The following FRMD5 variants were observed in gnomAD, a reference collection of about 807,000 sequenced individuals.
FRMD5 encodes the protein FERM domain containing 5, also known as FERM domain-containing protein 5.
Under a neutral mutation model 69.0 loss-of-function variants are expected in FRMD5, and 20 were observed. The ratio of observed to expected loss-of-function variants is 0.29; its 90% CI spans 0.20 to 0.42. FRMD5 has a LOEUF of 0.42. Among genes scored for constraint, FRMD5 ranks in the 10% least tolerant of loss-of-function variants. FRMD5 has a pLI of 1.00. For missense variants in FRMD5, 595 were observed against 708.6 expected (o/e 0.84, Z 1.82); for synonymous variants, 271 against 260.1 (o/e 1.04, Z -0.40).
chr15:44,026,972 CA>C (rs1381287298), intron 1 of FRMD5, among the ~76,000 whole-genome samples: 1 of 152,098 alleles, frequency 6.6e-6, no homozygotes, highest in Non-Finnish European at 1.5e-5. Flanking sequence ...TACATGTTTA[CA>C]AATTCCTAAA....
intron 1 of FRMD5, among the ~76,000 whole-genome samples, chr15:44,072,294 C>T (rs917185099): frequency 4.6e-5 from 7 of 152,228 alleles, no homozygotes; most frequent in Admixed American, 6.5e-5. Context: ...CTAAGTATGA[C>T]GTACAACAGT....
In FRMD5 at chr15:43,997,895, GAGA is replaced by G. The variant is rs767266369; in HGVS notation, c.103-73589_103-73587del. 5.6e-3 allele frequency among the ~76,000 whole-genome samples: 848 copies of G among 152,188 alleles called. 4 individuals are homozygous for G. The highest frequency in any genetic ancestry group is 9.0e-3 in the Non-Finnish European group (612 of 68,004). ...TATGTTCTTCAATGTTCATGACATT[GAGA>G]TCTCCGGTCTACTTCCAGTAGGCCT... On this transcript the variant is annotated intron_variant, in intron 1 of 13. Coordinates refer to ENST00000417257, the MANE Select transcript of FRMD5 (RefSeq NM_032892.5).
In FRMD5 at chr15:44,052,444, C is replaced by T. The variant is rs139747855; in HGVS notation, c.103-128135G>A. 2.3e-3 allele frequency among the ~76,000 whole-genome samples: 349 copies of T among 152,238 alleles called. 7 individuals carry two copies. The East Asian group carries it at 0.059, about 26-fold the overall frequency. On this transcript the variant is annotated intron_variant, in intron 1 of 13. Transcript: ENST00000417257. ...CCATTTCTCTAAGGATCCTTCATTC[C>T]TTTACCTGAGAATGGTATTCGAATC...
intron 1 of FRMD5, among the ~76,000 whole-genome samples, chr15:44,128,988 T>A (rs1417275890): frequency 6.6e-6 from 1 of 152,052 alleles, no homozygotes. Flanking sequence ...TTAGTGGAGG[T>A]CTGAAGCTCT....
In FRMD5 at chr15:43,876,413, G is replaced by C. The variant is rs550644883; in HGVS notation, c.1136-1951C>G. Reference sequence around the variant, plus strand: ...AGGCAGGAATGGGCCAGACACGATGGCTCCCATCTGTAATCCCAGCACTTT... The same window carrying C: ...AGGCAGGAATGGGCCAGACACGATGCCTCCCATCTGTAATCCCAGCACTTT... On this transcript the variant is annotated intron_variant, in intron 13 of 13. Coordinates refer to ENST00000417257, the MANE Select transcript of FRMD5 (RefSeq NM_032892.5). 3.3e-5 allele frequency among the ~76,000 whole-genome samples: 5 copies of C among 152,294 alleles called. No homozygotes were observed. In the East Asian group the frequency reaches 9.6e-4, roughly 29 times the overall value.
intron 1 of FRMD5, among the ~76,000 whole-genome samples, chr15:44,182,853 T>C (rs1006262827): frequency 1.3e-5 from 2 of 152,104 alleles, no homozygotes; most frequent in Non-Finnish European, 2.9e-5. Context: ...TAGAGTGCAG[T>C]GGCATGATCT....
At chr15:44,087,635 T>C (rs114356094) in intron 1 of FRMD5, among the ~76,000 whole-genome samples, 1,906 of 152,210 alleles carry the variant, frequency 0.013, 37 homozygotes, top group African/African-American at 0.044. Context: ...CCAAAATTGT[T>C]GTAAGGATTA....
At chr15:44,035,521 T>C (rs559612028) in intron 1 of FRMD5, among the ~76,000 whole-genome samples, 17 of 152,324 alleles carry the variant, frequency 1.1e-4, no homozygotes, top group African/African-American at 3.8e-4. Flanking sequence ...TTTTGCCAAA[T>C]TCCTCCAGCA....
At chr15:44,132,506 G>A (rs867132111) in intron 1 of FRMD5, among the ~76,000 whole-genome samples, 4 of 152,096 alleles carry the variant, frequency 2.6e-5, no homozygotes, top group Non-Finnish European at 5.9e-5. Flanking sequence ...TCTGCTCACT[G>A]CATCCTCGAC....
chr15:43,963,479 C>T (rs918388324), intron 1 of FRMD5, among the ~76,000 whole-genome samples: 9 of 152,268 alleles, frequency 5.9e-5, no homozygotes, highest in Non-Finnish European at 1.2e-4. Flanking sequence ...CTAGTTCAAC[C>T]ATTGTGGAAG....
intron 1 of FRMD5, among the ~76,000 whole-genome samples, chr15:43,969,585 A>AT (rs2090345168): frequency 6.6e-6 from 1 of 152,222 alleles, no homozygotes; most frequent in Non-Finnish European, 1.5e-5. Flanking sequence ...GAATTTCTAT[A>AT]TATAAATATT....
intron 1 of FRMD5, among the ~76,000 whole-genome samples, chr15:44,025,302 G>T (rs1220691133): frequency 6.6e-6 from 1 of 152,116 alleles, no homozygotes; most frequent in Non-Finnish European, 1.5e-5. Context: ...TCTAGCTAGG[G>T]GTTAAGAGAG....
chr15:44,056,056 C>T (rs1341305458), intron 1 of FRMD5, among the ~76,000 whole-genome samples: 3 of 152,216 alleles, frequency 2.0e-5, no homozygotes, highest in Non-Finnish European at 2.9e-5. Flanking sequence ...TCTCTCTCAT[C>T]TTCAAACCTT....
chr15:43,973,840 G>A (rs898973236), intron 1 of FRMD5, among the ~76,000 whole-genome samples: 3 of 149,460 alleles, frequency 2.0e-5, no homozygotes, highest in Admixed American at 6.8e-5. Context: ...TCCAATTTGC[G>A]GATATCTAGA....
intron 1 of FRMD5, among the ~76,000 whole-genome samples, chr15:44,122,326 G>A (rs539343138): frequency 6.6e-6 from 1 of 152,124 alleles, no homozygotes; most frequent in South Asian, 2.1e-4. Flanking sequence ...ACTTTGGGAG[G>A]CCAAGGCAGG....
In FRMD5 at chr15:43,923,983, A is replaced by C. The variant is rs977921056; in HGVS notation, c.207+222T>G. Among the ~76,000 whole-genome samples, 5 of 152,302 alleles carry C rather than the reference A, an allele frequency of 3.3e-5. 1 individual carries two copies. In the South Asian group the frequency reaches 6.2e-4, roughly 19 times the overall value. The stretch of plus-strand genomic sequence containing the variant: ...TTTGTGCAAATCATTTAAGCTCCCT[A>C]GCCTGCCATTTCAGCAACTGTAAAA... On this transcript the variant is annotated intron_variant, in intron 2 of 13. Transcript: ENST00000417257.
At position 43,930,797 on chromosome 15, in the gene FRMD5, C is replaced by T. The variant is rs141924379; in HGVS notation, c.103-6488G>A. On this transcript the variant is annotated intron_variant, in intron 1 of 13. Coordinates refer to ENST00000417257, the MANE Select transcript of FRMD5 (RefSeq NM_032892.5). ...TTGCTCATCGCCACATGGTGTGACA[C>T]GCAGGATGTGCACGTGGGGTGGGGA... 4.6e-3 allele frequency among the ~76,000 whole-genome samples: 696 copies of T among 152,282 alleles called. 10 individuals carry two copies. The highest frequency in any genetic ancestry group is 0.016 in the African/African-American group (662 of 41,554).
At chr15:44,147,747 C>T (rs752712969) in intron 1 of FRMD5, among the ~76,000 whole-genome samples, 1 of 152,106 alleles carries the variant, frequency 6.6e-6, no homozygotes, top group African/African-American at 2.4e-5. Flanking sequence ...CTACTGAAGG[C>T]TTCCAACTTC....
intron 4 of FRMD5, among the ~76,000 whole-genome samples, chr15:43,915,157 C>T (rs1301321923): frequency 1.3e-5 from 2 of 152,142 alleles, no homozygotes; most frequent in Non-Finnish European, 2.9e-5. Context: ...TTTCTTAGCC[C>T]AGGGGTTGGC....
Sources: gnomAD v4.1 joint callset for allele counts (sites outside exome capture counted in the v4.1 genomes callset) on GRCh38, gnomAD v4.1.1 for gene constraint, MANE v1.5 for transcripts, NCBI Gene and HGNC (gene_info 2026-07-23, HGNC 2026-07-21) for gene names.